PHACTR1: variants seen among roughly 807,000 people sequenced by gnomAD.
The protein encoded by PHACTR1 is phosphatase and actin regulator 1, also known as RPEL repeat containing 1.
In PHACTR1, 16 loss-of-function variants were observed where a neutral mutation model predicts 69.2. That is an observed-to-expected ratio of 0.23 (90% CI 0.16 to 0.35). PHACTR1 has a LOEUF of 0.35. PHACTR1 is among the 10% of genes least tolerant of loss of function. PHACTR1 has a pLI of 1.00. For missense variants in PHACTR1, 510 were observed against 734.7 expected, an observed-to-expected ratio of 0.69 and a Z score of 3.54; for synonymous variants, 312 against 284.5, an observed-to-expected ratio of 1.10 and a Z score of -0.97.
chr6:13,091,770 T>A (rs1813319322), intron 5 of PHACTR1, among the ~76,000 whole-genome samples: 1 of 152,074 alleles, frequency 6.6e-6, no homozygotes, highest in Non-Finnish European at 1.5e-5. Context: ...GCAACCTAGA[T>A]CCCTTGCATG....
chr6:13,280,637 G>T, intron 12 of PHACTR1: 1 of 285,250 alleles, frequency 3.5e-6, no homozygotes, highest in Non-Finnish European at 6.9e-6. Context: ...ATAAAGCGTA[G>T]TAACTGAGGC....
chr6:13,000,660 G>GAAGGAA (rs1202251999), intron 4 of PHACTR1, among the ~76,000 whole-genome samples: 1 of 128,284 alleles, frequency 7.8e-6, no homozygotes, highest in African/African-American at 3.1e-5. Flanking sequence ...AGGGAGGAAG[G>GAAGGAA]GGAAGGAAGG....
intron 5 of PHACTR1, among the ~76,000 whole-genome samples, chr6:13,064,547 GATAT>G (rs1195089569): frequency 2.4e-4 from 17 of 70,212 alleles, no homozygotes; most frequent in Non-Finnish European, 3.4e-4. Flanking sequence ...GAAGGGAAAA[GATAT>G]ATATATATAT....
At chr6:12,820,083 G>A (rs745450812) in intron 4 of PHACTR1, among the ~76,000 whole-genome samples, 3 of 152,172 alleles carry the variant, frequency 2.0e-5, no homozygotes, top group Non-Finnish European at 4.4e-5. Context: ...TGGGATGGGG[G>A]TGATTATTGC....
At chr6:13,067,205 A>G (rs1368650423) in intron 5 of PHACTR1, among the ~76,000 whole-genome samples, 1 of 152,212 alleles carries the variant, frequency 6.6e-6, no homozygotes, top group African/African-American at 2.4e-5. Context: ...TATGGACTTG[A>G]ATCTTGCATC....
At chr6:12,840,934 G>A (rs1778631089) in intron 4 of PHACTR1, among the ~76,000 whole-genome samples, 1 of 152,206 alleles carries the variant, frequency 6.6e-6, no homozygotes, top group Non-Finnish European at 1.5e-5. Context: ...TTGATTTTGT[G>A]GATGGCACGG....
rs56769825 is a variant in PHACTR1, at chr6:13,210,911, CTTTT to C, written c.986+4794_986+4797del. Among the ~76,000 whole-genome samples the C allele has an allele frequency of 8.8e-3, 640 of 72,978 alleles. 5 individuals are homozygous for C. The highest frequency in any genetic ancestry group is 0.05 in the East Asian group (115 of 2,286). 47.9% of individuals were successfully genotyped at this position (72,978 alleles called of 152,430 possible). A position where few individuals can be genotyped will look rare whatever the true frequency, so the allele number is the denominator to read the frequency against. ...TTTGGAAGATGATGGTTTATCATTT[CTTTT>C]TTTTTTTTTTTTTTTTTTGCATTGA... On this transcript the variant is annotated intron_variant, in intron 8 of 14. Coordinates refer to ENST00000332995, the MANE Select transcript of PHACTR1 (RefSeq NM_030948.6).
chr6:12,997,374 A>T (rs1797554398), intron 4 of PHACTR1, among the ~76,000 whole-genome samples: 1 of 147,952 alleles, frequency 6.8e-6, no homozygotes, highest in South Asian at 2.1e-4. Flanking sequence ...GTAAATATAT[A>T]TTTAAAGCAA....
intron 4 of PHACTR1, among the ~76,000 whole-genome samples, chr6:12,890,465 C>T (rs1729985918): frequency 6.6e-6 from 1 of 152,140 alleles, no homozygotes; most frequent in East Asian, 1.9e-4. Context: ...GAAAAGCCAA[C>T]CCGCCCCCAT....
At chr6:13,089,966 A>G (rs1222300062) in intron 5 of PHACTR1, among the ~76,000 whole-genome samples, 2 of 152,238 alleles carry the variant, frequency 1.3e-5, no homozygotes, top group Non-Finnish European at 2.9e-5. Flanking sequence ...GAAGTGGACA[A>G]CAGCAGGCTA....
chr6:12,824,246 C>G (rs1481522900), intron 4 of PHACTR1, among the ~76,000 whole-genome samples: 3 of 152,084 alleles, frequency 2.0e-5, no homozygotes, highest in Non-Finnish European at 4.4e-5. Flanking sequence ...CTCCCATCAC[C>G]CCCAGATGGG....
intron 4 of PHACTR1, among the ~76,000 whole-genome samples, chr6:13,010,167 GC>G (rs371263378): frequency 6.2e-4 from 94 of 151,636 alleles, no homozygotes; most frequent in African/African-American, 2.2e-3. Flanking sequence ...TGCTCTTGTT[GC>G]CCAGGCAGGA....
At chr6:12,758,407 A>G (rs1476828867) in intron 4 of PHACTR1, among the ~76,000 whole-genome samples, 2 of 146,612 alleles carry the variant, frequency 1.4e-5, no homozygotes, top group Non-Finnish European at 3.0e-5. Context: ...GCAGAGACCC[A>G]GTGAGCAGAG....
chr6:13,195,757 C>CAAA lies in PHACTR1; in HGVS notation c.665-10037_665-10035dup, dbSNP rs869092852. Among the ~76,000 whole-genome samples the CAAA allele has an allele frequency of 6.4e-3, 264 of 41,464 alleles. 38 individuals carry two copies. Among genetic ancestry groups the CAAA allele is most frequent in the African/African-American group, 0.015 (172 of 11,574 alleles). 27.2% of individuals were successfully genotyped at this position (41,464 alleles called of 152,430 possible). ...TGGGCGACAGAGAGAGACACCGTCT[C>CAAA]AAAAAAAAAAAAAAAAAAAAAAAGT... is the stretch of plus-strand genomic sequence containing the variant. On this transcript the variant is annotated intron_variant, in intron 7 of 14. Transcript: ENST00000332995.
chr6:12,837,787 G>A lies in PHACTR1; in HGVS notation c.250+87997G>A, dbSNP rs578165910. Reference sequence around the variant, plus strand: ...ATATATATGTTAAAGTAACAAGCCAGTGACTGACAGTAATAGGTATGTGTA... The same window carrying A: ...ATATATATGTTAAAGTAACAAGCCAATGACTGACAGTAATAGGTATGTGTA... On this transcript the variant is annotated intron_variant, in intron 4 of 14. Transcript: ENST00000332995. Among the ~76,000 whole-genome samples, 81 of 152,362 alleles carry A rather than the reference G, an allele frequency of 5.3e-4. 1 individual carries two copies. The highest frequency in any genetic ancestry group is 1.0e-3 in the Non-Finnish European group (71 of 68,036).
At chr6:12,988,759 A>G (rs1001370826) in intron 4 of PHACTR1, among the ~76,000 whole-genome samples, 1 of 152,208 alleles carries the variant, frequency 6.6e-6, no homozygotes, top group African/African-American at 2.4e-5. Context: ...CCACCCTTAT[A>G]TGTAGAACCA....
At chr6:12,722,066 G>A (rs907084845) in intron 3 of PHACTR1, among the ~76,000 whole-genome samples, 1 of 152,216 alleles carries the variant, frequency 6.6e-6, no homozygotes, top group Non-Finnish European at 1.5e-5. Context: ...CCAGTGCAGA[G>A]GATATTAGTA....
At chr6:12,759,672 A>C (rs1034562182) in intron 4 of PHACTR1, among the ~76,000 whole-genome samples, 2 of 152,154 alleles carry the variant, frequency 1.3e-5, no homozygotes, top group African/African-American at 4.8e-5. Flanking sequence ...AATCCAACCC[A>C]TGGATTATAT....
intron 5 of PHACTR1, among the ~76,000 whole-genome samples, chr6:13,159,089 C>T (rs1410111805): frequency 1.3e-5 from 2 of 152,174 alleles, no homozygotes; most frequent in African/African-American, 4.8e-5. Flanking sequence ...CTCATTTCCT[C>T]ACTCCTGGGT....
Sources: allele counts gnomAD v4.1 joint callset (sites outside exome capture counted in the v4.1 genomes callset), GRCh38; gene constraint gnomAD v4.1.1; transcripts MANE v1.5; gene names NCBI Gene and HGNC (gene_info 2026-07-23, HGNC 2026-07-21).